The following SOX6 variants were observed in gnomAD, a reference collection of about 807,000 sequenced individuals.
SOX6 encodes the protein transcription factor SOX-6.
SOX6 carries 11 observed loss-of-function variants against 97.8 expected under a neutral mutation model. That is an observed-to-expected ratio of 0.11 (90% CI 0.07 to 0.19). The LOEUF is 0.19. Among genes scored for constraint, SOX6 ranks in the 10% least tolerant of loss-of-function variants. SOX6 has a pLI of 1.00. For synonymous variants in SOX6, 360 were observed against 371.4 expected (o/e 0.97, Z 0.35); for missense variants, 810 against 1,039.5 (o/e 0.78, Z 3.04).
At chr11:15,991,707 A>G (rs986660031) in intron 13 of SOX6, among the ~76,000 whole-genome samples, 1 of 152,204 alleles carries the variant, frequency 6.6e-6, no homozygotes, top group African/African-American at 2.4e-5. Flanking sequence ...TTCATTTAAA[A>G]TATGTATTTC....
At chr11:16,067,151 T>C (rs1848111564) in intron 9 of SOX6, among the ~76,000 whole-genome samples, 1 of 152,190 alleles carries the variant, frequency 6.6e-6, no homozygotes, top group African/African-American at 2.4e-5. Flanking sequence ...CTTGGACTTT[T>C]GGGCTAATAC....
chr11:16,196,828 TTC>T (rs200309192), intron 4 of SOX6, among the ~76,000 whole-genome samples: 2,859 of 112,642 alleles, frequency 0.025, 107 homozygotes, highest in African/African-American at 0.08. Context: ...CTTCTTCTTC[TTC>T]TTTTTTTTTT....
intron 7 of SOX6, 24 bp from the exon 8 acceptor site, chr11:16,097,712 A>G (rs1848835278): frequency 6.3e-7 from 1 of 1,595,876 alleles, no homozygotes. Context: ...CAATGCATAC[A>G]GGTTTAGACA....
intron 13 of SOX6, among the ~76,000 whole-genome samples, chr11:15,995,092 C>T (rs1430332682): frequency 2.0e-5 from 3 of 152,156 alleles, no homozygotes; most frequent in Non-Finnish European, 4.4e-5. Flanking sequence ...TGGCTGCTGA[C>T]CCCTGAACTT....
intron 3 of SOX6, among the ~76,000 whole-genome samples, chr11:16,290,411 T>A (rs1199125957): frequency 1.3e-5 from 2 of 152,046 alleles, no homozygotes; most frequent in Non-Finnish European, 2.9e-5. Context: ...AATCTGCTCA[T>A]CTTATGACTA....
chr11:16,673,908 G>A (rs796090617), intron 3 of SOX6, among the ~76,000 whole-genome samples: 10 of 152,112 alleles, frequency 6.6e-5, no homozygotes, highest in Admixed American at 3.9e-4. Context: ...ATCATTCATC[G>A]GCTGGGCGTG....
chr11:16,077,488 C>T (rs942813352), intron 9 of SOX6, among the ~76,000 whole-genome samples: 2 of 152,034 alleles, frequency 1.3e-5, no homozygotes. Flanking sequence ...TAAATCATTC[C>T]ACCTCCAAGA....
intron 1 of SOX6, among the ~76,000 whole-genome samples, chr11:16,372,471 T>C (rs1857515748): frequency 6.6e-6 from 1 of 152,030 alleles, no homozygotes; most frequent in Non-Finnish European, 1.5e-5. Context: ...CTAATCAAGG[T>C]TGTTAGAAGT....
At chr11:16,429,314 C>T (rs928670097) in intron 1 of SOX6, among the ~76,000 whole-genome samples, 1 of 152,116 alleles carries the variant, frequency 6.6e-6, no homozygotes, top group Admixed American at 6.6e-5. Flanking sequence ...ACCCAGCAAT[C>T]CCATTACTGA....
At chr11:16,343,876 A>G (rs926573440) in intron 1 of SOX6, among the ~76,000 whole-genome samples, 10 of 151,836 alleles carry the variant, frequency 6.6e-5, no homozygotes, top group African/African-American at 2.4e-4. Context: ...ACAAATACAT[A>G]TGTGTATCAA....
intron 13 of SOX6, among the ~76,000 whole-genome samples, chr11:16,009,275 G>A (rs1590126635): frequency 6.6e-6 from 1 of 152,026 alleles, no homozygotes; most frequent in South Asian, 2.1e-4. Context: ...GAAGGTGAAT[G>A]GTTTCAATTA....
intron 1 of SOX6, among the ~76,000 whole-genome samples, chr11:16,439,069 T>A (rs1290709974): frequency 6.6e-6 from 1 of 152,188 alleles, no homozygotes; most frequent in Non-Finnish European, 1.5e-5. Flanking sequence ...CTCTTCATAA[T>A]CTAAATTTCG....
At chr11:16,089,776 C>A (rs1848645035) in intron 9 of SOX6, among the ~76,000 whole-genome samples, 1 of 152,002 alleles carries the variant, frequency 6.6e-6, no homozygotes, top group South Asian at 2.1e-4. Flanking sequence ...TAAAAAATGT[C>A]TTTCTCCTGT....
chr11:16,244,656 C>T (rs547019653), intron 3 of SOX6, among the ~76,000 whole-genome samples: 1 of 151,736 alleles, frequency 6.6e-6, no homozygotes, highest in Non-Finnish European at 1.5e-5. Flanking sequence ...TATAAATATC[C>T]AGTTGTTCCA....
chr11:16,413,624 G>A (rs1390024865), intron 1 of SOX6, among the ~76,000 whole-genome samples: 2 of 147,730 alleles, frequency 1.4e-5, no homozygotes, highest in African/African-American at 2.5e-5. Flanking sequence ...GGGTTCAAGC[G>A]ATTCTCCAGC....
chr11:16,689,039 C>A, intron 3 of SOX6, among the ~76,000 whole-genome samples: 1 of 152,056 alleles, frequency 6.6e-6, no homozygotes, highest in East Asian at 1.9e-4. Context: ...TACCTTATGC[C>A]CTTATTAATT....
chr11:16,345,596 A>G (rs1206067817), intron 1 of SOX6, among the ~76,000 whole-genome samples: 1 of 152,110 alleles, frequency 6.6e-6, no homozygotes, highest in African/African-American at 2.4e-5. Flanking sequence ...TTACTCAGAC[A>G]GTAAATTTAT....
intron 1 of SOX6, among the ~76,000 whole-genome samples, chr11:16,456,970 A>C (rs1859821523): frequency 6.6e-6 from 1 of 152,120 alleles, no homozygotes; most frequent in African/African-American, 2.4e-5. Flanking sequence ...TTTAAACTTT[A>C]CTCATACCTT....
intron 3 of SOX6, among the ~76,000 whole-genome samples, chr11:16,687,327 G>A (rs919661190): frequency 4.6e-5 from 7 of 152,136 alleles, no homozygotes; most frequent in African/African-American, 1.7e-4. Context: ...GAGAGAGAGT[G>A]GGTGGAAGGA....
Sources: allele counts gnomAD v4.1 joint callset (sites outside exome capture counted in the v4.1 genomes callset), GRCh38; gene constraint gnomAD v4.1.1; transcripts MANE v1.5; gene names NCBI Gene and HGNC (gene_info 2026-07-23, HGNC 2026-07-21).